The following FNBP1L variants were observed in gnomAD, a reference collection of about 807,000 sequenced individuals.
FNBP1L encodes the protein formin-binding protein 1-like.
In FNBP1L, 36 loss-of-function variants were observed where a neutral mutation model predicts 91.2. The observed-to-expected ratio is 0.39, with a 90% CI of 0.30 to 0.52. FNBP1L has a LOEUF of 0.52. Among genes scored for constraint, FNBP1L ranks in the 20% least tolerant of loss-of-function variants. The probability of loss-of-function intolerance (pLI) is 0.66; values close to 1 mark genes in which losing one functional copy is unlikely to be tolerated. For synonymous variants in FNBP1L, 242 were observed against 237.0 expected, an observed-to-expected ratio of 1.02 and a Z score of -0.19; for missense variants, 571 against 732.1, an observed-to-expected ratio of 0.78 and a Z score of 2.54.
chr1:93,459,438 A>G (rs1043207200), intron 1 of FNBP1L, among the ~76,000 whole-genome samples: 1 of 152,238 alleles, frequency 6.6e-6, no homozygotes, highest in Non-Finnish European at 1.5e-5. Context: ...ATTTCTGGAA[A>G]GAAGACATGT....
chr1:93,542,158 C>G (rs1263646653), intron 11 of FNBP1L, among the ~76,000 whole-genome samples: 1 of 151,796 alleles, frequency 6.6e-6, no homozygotes, highest in Non-Finnish European at 1.5e-5. Context: ...TTTCTGTAAT[C>G]CCAGCTATTT....
chr1:93,499,754 C>T lies in FNBP1L; in HGVS notation c.140+171C>T, dbSNP rs369016697. On this transcript the variant is annotated intron_variant, in intron 2 of 16. Transcript: ENST00000271234. Reference sequence around the variant, plus strand: ...AATTAAGTCATTGGCTAGTACAGTACCACAAGGAATATTGACTAGCTGGAT... The same window carrying T: ...AATTAAGTCATTGGCTAGTACAGTATCACAAGGAATATTGACTAGCTGGAT... Among the ~76,000 whole-genome samples, 18 of 152,162 alleles carry T rather than the reference C, an allele frequency of 1.2e-4. No individual in the cohort carries two copies. In the East Asian group the frequency reaches 3.1e-3, roughly 26 times the overall value.
chr1:93,461,133 T>C (rs1466603455), intron 1 of FNBP1L, among the ~76,000 whole-genome samples: 1 of 152,184 alleles, frequency 6.6e-6, no homozygotes, highest in Non-Finnish European at 1.5e-5. Flanking sequence ...CATACTGAGC[T>C]CTGATATGCT....
rs528780108 is a variant in FNBP1L, at chr1:93,531,299, C to T, written c.639+416C>T. Among the ~76,000 whole-genome samples, 6 of 152,216 alleles carry T rather than the reference C, an allele frequency of 3.9e-5. No individual in the cohort carries two copies. The East Asian group carries it at 1.2e-3, about 29-fold the overall frequency. ...AATATATTTGCTAGCATGGTTTTTG[C>T]CTGCTTATCATGCTGGCTCTGTTAG... On this transcript the variant is annotated intron_variant, in intron 7 of 16. Coordinates refer to ENST00000271234, the MANE Select transcript of FNBP1L (RefSeq NM_001164473.3).
chr1:93,451,191 A>G (rs1199040088), intron 1 of FNBP1L, among the ~76,000 whole-genome samples: 1 of 152,242 alleles, frequency 6.6e-6, no homozygotes, highest in Non-Finnish European at 1.5e-5. Context: ...TCTTTATTAC[A>G]TAGCAAGAAT....
intron 1 of FNBP1L, among the ~76,000 whole-genome samples, chr1:93,464,794 G>T (rs913738552): frequency 6.6e-6 from 1 of 152,230 alleles, no homozygotes; most frequent in South Asian, 2.1e-4. Flanking sequence ...TTACTTGTGG[G>T]TTTAGTGATT....
rs985646867 is a variant in FNBP1L at position 93,544,139 on chromosome 1, A to C, written c.1197A>C (p.Pro399=). ...CACTAGAAGATTTCAGTCATCTGCC[A>C]CCAGAACAGAGACGTAAAAAACTAC... ...GPALEDFSHL[P]PEQRRKKLQQ... The change falls in exon 12 of 17, where the codon CCA becomes CCC. Residue 399 remains proline (P), a synonymous_variant. Transcript: ENST00000271234. The C allele has an allele frequency of 5.6e-6, 9 of 1,611,354 alleles. No homozygotes were observed. Among genetic ancestry groups the C allele is most frequent in the African/African-American group, 1.3e-5 (1 of 74,864 alleles).
intron 2 of FNBP1L, among the ~76,000 whole-genome samples, chr1:93,504,841 C>T (rs1049594259): frequency 6.6e-6 from 1 of 152,126 alleles, no homozygotes; most frequent in African/African-American, 2.4e-5. Flanking sequence ...AACCCCTTGC[C>T]AGATATATGA....
At chr1:93,510,541 A>G in intron 2 of FNBP1L, among the ~76,000 whole-genome samples, 1 of 152,210 alleles carries the variant, frequency 6.6e-6, no homozygotes, top group East Asian at 1.9e-4. Flanking sequence ...AACTCTAAAA[A>G]GCAGAGCGCC....
At chr1:93,522,785 G>A (rs1250385054) in intron 3 of FNBP1L, among the ~76,000 whole-genome samples, 3 of 152,118 alleles carry the variant, frequency 2.0e-5, no homozygotes, top group Non-Finnish European at 2.9e-5. Context: ...TTAATACAGT[G>A]ATTCTCTTTG....
intron 6 of FNBP1L, among the ~76,000 whole-genome samples, chr1:93,530,190 A>T (rs1318897197): frequency 2.0e-5 from 3 of 152,156 alleles, no homozygotes; most frequent in Non-Finnish European, 2.9e-5. Context: ...ACTGTATTCT[A>T]AATAAGCATT....
At chr1:93,486,273 T>G (rs544504882) in intron 1 of FNBP1L, among the ~76,000 whole-genome samples, 7 of 152,262 alleles carry the variant, frequency 4.6e-5, no homozygotes, top group Non-Finnish European at 7.4e-5. Context: ...TGTACCACTA[T>G]TTTGGTGTAA....
At chr1:93,460,833 G>A (rs1404632992) in intron 1 of FNBP1L, among the ~76,000 whole-genome samples, 2 of 152,162 alleles carry the variant, frequency 1.3e-5, no homozygotes, top group East Asian at 3.8e-4. Flanking sequence ...TATGCAGGAA[G>A]AATAAGTTAA....
chr1:93,517,760 T>C lies in FNBP1L; in HGVS notation c.141-4322T>C, dbSNP rs201722448. On this transcript the variant is annotated intron_variant, in intron 2 of 16. Coordinates refer to ENST00000271234, the MANE Select transcript of FNBP1L (RefSeq NM_001164473.3). ...CTTCCTTCCCTGTTAAATTTGTGTT[T>C]GTAGATGGTCTTTAGCTACCTTTCA... Among the ~76,000 whole-genome samples the C allele has an allele frequency of 2.6e-5, 4 of 151,734 alleles. No homozygotes were observed. The East Asian group carries it at 7.7e-4, about 29-fold the overall frequency.
chr1:93,489,496 A>G (rs1224733624), intron 1 of FNBP1L, among the ~76,000 whole-genome samples: 1 of 152,144 alleles, frequency 6.6e-6, no homozygotes, highest in Non-Finnish European at 1.5e-5. Flanking sequence ...TGCTATTGAC[A>G]ATGGAGATGA....
In FNBP1L at chr1:93,552,388, C is replaced by CT. The variant is rs762890511; in HGVS notation, c.1811-16dup. The CT allele has an allele frequency of 8.1e-6, 13 of 1,608,784 alleles. No individual in the cohort carries two copies. The South Asian group carries it at 1.2e-4, about 15-fold the overall frequency. ...AAAGGTCTTCAGTAATTGTTCTTTT[C>CT]TTTTTCCTCCTGGACTGCAGGTTCC... On this transcript the variant is annotated intron_variant, in intron 16 of 16. Coordinates refer to ENST00000271234, the MANE Select transcript of FNBP1L (RefSeq NM_001164473.3).
At chr1:93,536,615 TAAG>T (rs1671859631) in intron 10 of FNBP1L, 125 bp downstream of exon 10, 3 of 806,862 alleles carry the variant, frequency 3.7e-6, no homozygotes, top group Non-Finnish European at 5.2e-6. Context: ...ACCACAGAAT[TAAG>T]AATAGCTGCC....
intron 11 of FNBP1L, among the ~76,000 whole-genome samples, chr1:93,541,466 C>CA (rs977169169): frequency 2.9e-4 from 44 of 150,200 alleles, no homozygotes; most frequent in African/African-American, 1.1e-3. Context: ...TAGATTTTTC[C>CA]AAAAAAAGAA....
intron 10 of FNBP1L, among the ~76,000 whole-genome samples, chr1:93,540,068 G>A (rs1671983463): frequency 6.6e-6 from 1 of 152,086 alleles, no homozygotes; most frequent in African/African-American, 2.4e-5. Flanking sequence ...GGGTCACCGT[G>A]TGTGTGTATG....
Sources: allele counts gnomAD v4.1 joint callset (sites outside exome capture counted in the v4.1 genomes callset), GRCh38; gene constraint gnomAD v4.1.1; transcripts MANE v1.5; gene names NCBI Gene and HGNC (gene_info 2026-07-23, HGNC 2026-07-21).